Variants in TTC17 observed in about 807,000 individuals in gnomAD.
The protein encoded by TTC17 is tetratricopeptide repeat domain 17.
In TTC17, 58 loss-of-function variants were observed where a neutral mutation model predicts 143.8. The ratio of observed to expected loss-of-function variants is 0.40; its 90% CI spans 0.33 to 0.50. TTC17 has a LOEUF of 0.50. TTC17 is among the 20% of genes least tolerant of loss of function. The pLI, the probability that TTC17 is intolerant of heterozygous loss-of-function variation, is 0.49. For synonymous variants in TTC17, 501 were observed against 497.8 expected, an observed-to-expected ratio of 1.01 and a Z score of -0.09; for missense variants, 1,273 against 1,392.5, an observed-to-expected ratio of 0.91 and a Z score of 1.37.
At chr11:43,475,459 A>G (rs1948168475) in intron 21 of TTC17, among the ~76,000 whole-genome samples, 2 of 152,108 alleles carry the variant, frequency 1.3e-5, no homozygotes, top group South Asian at 4.1e-4. Context: ...CAGCCTCCCA[A>G]GCAGCTGGGA....
intron 5 of TTC17, chr11:43,396,350 G>T (rs1857592565): frequency 6.3e-6 from 1 of 157,978 alleles, no homozygotes; most frequent in Non-Finnish European, 1.4e-5. Flanking sequence ...TCATGTTAGA[G>T]CTATTTCTAA....
chr11:43,432,932 A>G (rs544208873), intron 16 of TTC17, among the ~76,000 whole-genome samples: 4 of 152,292 alleles, frequency 2.6e-5, no homozygotes, highest in African/African-American at 9.6e-5. Context: ...GCCAAGCTAC[A>G]TATGCAAATC....
intron 6 of TTC17, 37 bp from the exon 7 acceptor site, chr11:43,397,310 T>C: frequency 1.3e-6 from 2 of 1,579,136 alleles, no homozygotes; most frequent in South Asian, 1.1e-5. Context: ...TGTCAAGTGG[T>C]TCTACATAAT....
rs769556484 is a variant in TTC17 at position 43,494,060 on chromosome 11, T to C, written c.*156T>C. The stretch of plus-strand genomic sequence containing the variant: ...TACATATGTGGGAATTGGTTTGTTT[T>C]TGTTTTTACGTTTCTCCTTTCCCCC... On this transcript the variant is annotated 3_prime_UTR_variant, in exon 24 of 24. Transcript: ENST00000039989. The C allele has an allele frequency of 1.7e-4, 199 of 1,157,248 alleles. No homozygotes were observed. Among genetic ancestry groups the C allele is most frequent in the Non-Finnish European group, 2.2e-4 (187 of 855,332 alleles). The allele number at this position is 1,157,248 out of a possible 1,614,324, so 71.7% of individuals were successfully genotyped here. A position where few individuals can be genotyped will look rare whatever the true frequency, so the allele number is the denominator to read the frequency against.
At chr11:43,446,106 C>A in intron 18 of TTC17, 1 of 1,439,548 alleles carries the variant, frequency 6.9e-7, no homozygotes, top group African/African-American at 1.4e-5. Context: ...GTGTACAAGA[C>A]CCTTTACAGC....
chr11:43,438,636 G>T (rs1373274180), intron 16 of TTC17, among the ~76,000 whole-genome samples: 1 of 152,154 alleles, frequency 6.6e-6, no homozygotes, highest in African/African-American at 2.4e-5. Context: ...AGACTTTCTG[G>T]AGGAAGATGT....
At chr11:43,454,751 A>G (rs953091403) in intron 21 of TTC17, among the ~76,000 whole-genome samples, 2 of 152,114 alleles carry the variant, frequency 1.3e-5, no homozygotes, top group African/African-American at 4.8e-5. Context: ...AAAATGCTAA[A>G]GACTACAGTT....
intron 21 of TTC17, chr11:43,466,730 T>C: frequency 3.1e-6 from 1 of 327,708 alleles, no homozygotes; most frequent in South Asian, 3.2e-5. Flanking sequence ...TCATCTGCAC[T>C]GCCATGGCCA....
intron 4 of TTC17, 90 bp from the exon 5 acceptor site, chr11:43,391,731 G>A (rs1857397732): frequency 6.7e-7 from 1 of 1,485,230 alleles, no homozygotes; most frequent in Admixed American, 2.4e-5. Context: ...CAAAATATTA[G>A]TATTTCAAAA....
intron 21 of TTC17, among the ~76,000 whole-genome samples, chr11:43,462,039 A>G (rs1360638557): frequency 1.4e-5 from 2 of 145,296 alleles, no homozygotes; most frequent in Non-Finnish European, 3.0e-5. Flanking sequence ...GCACATCAGT[A>G]GTTACATGGA....
At chr11:43,408,971 G>A (rs1026807155) in intron 15 of TTC17, among the ~76,000 whole-genome samples, 9 of 151,884 alleles carry the variant, frequency 5.9e-5, no homozygotes, top group African/African-American at 1.9e-4. Flanking sequence ...TTGAACACCC[G>A]AGCTCAAGCA....
At chr11:43,450,509 CT>C (rs1565173317) in intron 20 of TTC17, among the ~76,000 whole-genome samples, 1 of 152,160 alleles carries the variant, frequency 6.6e-6, no homozygotes, top group Non-Finnish European at 1.5e-5. Context: ...CAAATACCAA[CT>C]CTTGAGAAAA....
intron 21 of TTC17, among the ~76,000 whole-genome samples, chr11:43,470,507 A>C (rs1948071760): frequency 6.6e-6 from 1 of 152,188 alleles, no homozygotes; most frequent in Non-Finnish European, 1.5e-5. Flanking sequence ...GCTTTTCATC[A>C]GGTATTTGTA....
chr11:43,488,335 G>A (rs1948414927), intron 21 of TTC17, among the ~76,000 whole-genome samples: 1 of 152,086 alleles, frequency 6.6e-6, no homozygotes, highest in African/African-American at 2.4e-5. Flanking sequence ...AAGCAGTTAA[G>A]TTTTCTGAGT....
At chr11:43,450,004 A>G in intron 19 of TTC17, 78 bp from the exon 20 acceptor site, 2 of 1,477,606 alleles carry the variant, frequency 1.4e-6, no homozygotes, top group African/African-American at 1.4e-5. Flanking sequence ...TCTCTCCTTG[A>G]TTGTTAATGC....
chr11:43,365,164 C>T (rs1011947346), intron 1 of TTC17, among the ~76,000 whole-genome samples: 42 of 152,066 alleles, frequency 2.8e-4, no homozygotes, highest in African/African-American at 1.0e-3. Flanking sequence ...GCAGTGGCAC[C>T]GTCATAGCTC....
At chr11:43,407,262 A>G (rs1295685634) in intron 14 of TTC17, 47 bp downstream of exon 14, 1 of 1,555,802 alleles carries the variant, frequency 6.4e-7, no homozygotes, top group South Asian at 1.2e-5. Context: ...CTTCTTAATT[A>G]TAAGTAAAAG....
rs749528360 is a variant in TTC17, at chr11:43,407,483, C to T, written c.1970C>T (p.Pro657Leu). ...GCTCCACTTCAATACCAAGATGTTCCTCTTGTCAACTTGGCCAACCTTTTG... is the reference window on the plus strand; with the variant it reads ...GCTCCACTTCAATACCAAGATGTTCTTCTTGTCAACTTGGCCAACCTTTTG... ...NLAPLQYQDV[P>L]LVNLANLLIH... is the part of the protein sequence containing the mutation. The change falls in exon 15 of 24, where the codon CCT (proline) becomes CTT (leucine). Residue 657 changes from proline (P) to leucine (L), a missense_variant. Pro to Leu is a moderately conservative substitution (Grantham distance 98). Transcript: ENST00000039989. The T allele has an allele frequency of 1.9e-6, 3 of 1,614,036 alleles. No homozygotes were observed. The highest frequency in any genetic ancestry group is 1.7e-6 in the Non-Finnish European group (2 of 1,179,990).
At chr11:43,391,431 C>T in intron 3 of TTC17, 34 bp from the exon 4 acceptor site, 1 of 1,283,954 alleles carries the variant, frequency 7.8e-7, no homozygotes, top group Non-Finnish European at 1.1e-6. Flanking sequence ...TTTATCTCAC[C>T]TTTTATTCAT....
Sources: allele counts gnomAD v4.1 joint callset (sites outside exome capture counted in the v4.1 genomes callset), GRCh38; gene constraint gnomAD v4.1.1; transcripts MANE v1.5; gene names NCBI Gene and HGNC (gene_info 2026-07-23, HGNC 2026-07-21).